Variants in NBEA observed in about 807,000 individuals in gnomAD.
NBEA encodes the protein lysosomal-trafficking regulator 2.
NBEA carries 44 observed loss-of-function variants against 343.4 expected under a neutral mutation model. The ratio of observed to expected loss-of-function variants is 0.13; its 90% CI spans 0.10 to 0.16. The LOEUF (loss-of-function observed/expected upper bound fraction) is 0.16. Ranked by LOEUF, NBEA falls within the 10% of genes least tolerant of loss-of-function variation. The probability of loss-of-function intolerance (pLI) is 1.00; values close to 1 mark genes in which losing one functional copy is unlikely to be tolerated. For missense variants in NBEA, 2,555 were observed against 3,631.3 expected (o/e 0.70, Z 7.62); for synonymous variants, 1,175 against 1,238.7 (o/e 0.95, Z 1.08).
At chr13:34,990,716 C>G (rs903374138) in intron 1 of NBEA, among the ~76,000 whole-genome samples, 2 of 138,744 alleles carry the variant, frequency 1.4e-5, no homozygotes, top group African/African-American at 4.9e-5. Context: ...AGCTTGAATT[C>G]CTCCCCAGAA....
chr13:35,458,180 C>T (rs897270683), intron 40 of NBEA, among the ~76,000 whole-genome samples: 16 of 152,192 alleles, frequency 1.1e-4, no homozygotes, highest in Non-Finnish European at 1.9e-4. Context: ...TTCTCATCAG[C>T]GGCATGTGAG....
At chr13:35,614,126 C>G (rs1423355342) in intron 48 of NBEA, among the ~76,000 whole-genome samples, 1 of 152,112 alleles carries the variant, frequency 6.6e-6, no homozygotes, top group Non-Finnish European at 1.5e-5. Flanking sequence ...TCTCATATGT[C>G]CATTGGCCAT....
At chr13:35,536,048 G>C (rs894548575) in intron 41 of NBEA, among the ~76,000 whole-genome samples, 5 of 152,138 alleles carry the variant, frequency 3.3e-5, no homozygotes, top group African/African-American at 1.2e-4. Flanking sequence ...GTAGCTTTAA[G>C]AGAAAGAAAA....
chr13:35,144,671 A>G (rs903242675), intron 18 of NBEA, among the ~76,000 whole-genome samples: 4 of 152,086 alleles, frequency 2.6e-5, no homozygotes, highest in African/African-American at 9.7e-5. Context: ...ATGAGGGAGA[A>G]GGTCGGTCTT....
At chr13:35,130,868 T>C (rs188317788) in intron 17 of NBEA, among the ~76,000 whole-genome samples, 24 of 152,126 alleles carry the variant, frequency 1.6e-4, no homozygotes, top group Admixed American at 1.3e-3. Flanking sequence ...TAGAAATATA[T>C]ATATCTTCTA....
intron 41 of NBEA, chr13:35,475,196 G>C: frequency 6.2e-7 from 1 of 1,614,014 alleles, no homozygotes; most frequent in Non-Finnish European, 8.5e-7. Context: ...TGGGGACACC[G>C]CCGGCACTGC....
intron 1 of NBEA, among the ~76,000 whole-genome samples, chr13:34,983,452 T>A (rs2060432858): frequency 6.6e-6 from 1 of 152,214 alleles, no homozygotes; most frequent in Non-Finnish European, 1.5e-5. Flanking sequence ...GTTCTAAGTC[T>A]TTGCTATTGT....
chr13:35,306,947 T>G (rs1490608902), intron 35 of NBEA, among the ~76,000 whole-genome samples: 1 of 152,078 alleles, frequency 6.6e-6, no homozygotes, highest in African/African-American at 2.4e-5. Context: ...TACTCAATAT[T>G]TCTATGTAAA....
intron 41 of NBEA, among the ~76,000 whole-genome samples, chr13:35,490,538 T>C (rs1048906041): frequency 3.3e-5 from 5 of 151,918 alleles, no homozygotes; most frequent in African/African-American, 1.2e-4. Context: ...CGTAAGAAGT[T>C]ACTGTTTCTC....
At chr13:35,408,459 T>A (rs766197664) in intron 38 of NBEA, among the ~76,000 whole-genome samples, 16 of 152,168 alleles carry the variant, frequency 1.1e-4, no homozygotes, top group Admixed American at 4.6e-4. Context: ...GGGCAAAGAT[T>A]TCATGACGAA....
At chr13:35,040,107 C>T (rs979034478) in intron 1 of NBEA, among the ~76,000 whole-genome samples, 1 of 152,004 alleles carries the variant, frequency 6.6e-6, no homozygotes, top group Non-Finnish European at 1.5e-5. Flanking sequence ...TAAATCTTAT[C>T]GTTCTTTAGA....
At chr13:35,292,145 G>A (rs950202019) in intron 35 of NBEA, among the ~76,000 whole-genome samples, 1 of 151,744 alleles carries the variant, frequency 6.6e-6, no homozygotes, top group African/African-American at 2.4e-5. Context: ...TTCTTATTCA[G>A]GGGGGATAAG....
intron 36 of NBEA, among the ~76,000 whole-genome samples, chr13:35,314,002 G>A (rs1363971302): frequency 6.6e-6 from 1 of 152,114 alleles, no homozygotes; most frequent in Non-Finnish European, 1.5e-5. Context: ...TATGGTGGGA[G>A]GGAAAGAAGG....
chr13:35,505,302 G>T (rs1415267650), intron 41 of NBEA, among the ~76,000 whole-genome samples: 1 of 152,122 alleles, frequency 6.6e-6, no homozygotes, highest in Non-Finnish European at 1.5e-5. Flanking sequence ...TTATTTCAAT[G>T]ATACGTATTT....
intron 1 of NBEA, among the ~76,000 whole-genome samples, chr13:34,986,727 G>A (rs1319574372): frequency 2.7e-5 from 4 of 150,774 alleles, no homozygotes; most frequent in Admixed American, 6.6e-5. Flanking sequence ...TCCTGTATTG[G>A]GTGCATATAT....
At chr13:35,059,759 T>TATAG (rs1027422895) in intron 8 of NBEA, among the ~76,000 whole-genome samples, 1 of 138,004 alleles carries the variant, frequency 7.2e-6, no homozygotes, top group South Asian at 2.5e-4. Context: ...TATATATATA[T>TATAG]ACAGAGAGAG....
At chr13:35,169,108 G>T in intron 25 of NBEA, 113 bp downstream of exon 25, 1 of 712,392 alleles carries the variant, frequency 1.4e-6, no homozygotes, top group South Asian at 2.4e-5. Context: ...TCTTTAACAT[G>T]AGACATATCT....
At chr13:35,383,534 A>C (rs2042106018) in intron 38 of NBEA, among the ~76,000 whole-genome samples, 1 of 152,158 alleles carries the variant, frequency 6.6e-6, no homozygotes, top group Non-Finnish European at 1.5e-5. Flanking sequence ...AGGCAGAGAT[A>C]ATCCAAAATA....
chr13:35,649,502 G>A (rs542322598), intron 51 of NBEA, among the ~76,000 whole-genome samples, 153 bp from the exon 52 acceptor site: 269 of 152,274 alleles, frequency 1.8e-3, no homozygotes, highest in African/African-American at 6.2e-3. Flanking sequence ...TCGATTTGGG[G>A]CAGACATTCA....
Sources: allele counts gnomAD v4.1 joint callset (sites outside exome capture counted in the v4.1 genomes callset), GRCh38; gene constraint gnomAD v4.1.1; transcripts MANE v1.5; gene names NCBI Gene and HGNC (gene_info 2026-07-23, HGNC 2026-07-21).